Variants in DNAH5 observed in about 807,000 individuals in gnomAD.
DNAH5 encodes the protein axonemal beta dynein heavy chain 5.
DNAH5 carries 372 observed loss-of-function variants against 518.2 expected under a neutral mutation model. The observed-to-expected ratio is 0.72, with a 90% CI of 0.66 to 0.78. The LOEUF is 0.78. Ranked by LOEUF, DNAH5 falls within the 30% of genes least tolerant of loss-of-function variation. DNAH5 has a pLI of 0.00. For synonymous variants in DNAH5, 2,039 were observed against 2,025.9 expected (o/e 1.01, Z -0.17); for missense variants, 5,523 against 5,687.0 (o/e 0.97, Z 0.93).
In DNAH5 at chr5:13,751,230, A is replaced by G. The variant is rs775858203; in HGVS notation, c.11059T>C (p.Leu3687=). 4 of 1,613,836 alleles carry G rather than the reference A, an allele frequency of 2.5e-6. No homozygotes were observed. The African/African-American group carries it at 4.0e-5, about 16-fold the overall frequency. ...VKVGDKEVDV[L]DGFRLYITTK... ...GTAATGTAGAGTCTAAAGCCATCCA[A>G]CACATCTACTTCCTTGTCACCAACT... Residue 3687 remains leucine, a synonymous_variant, in exon 65 of 79, where the codon TTG becomes CTG. Transcript: ENST00000265104.
In DNAH5 at chr5:13,922,159, A is replaced by G. The variant is rs1435322116; in HGVS notation, c.608T>C (p.Leu203Pro). 1.2e-6 allele frequency: 2 copies of G among 1,613,984 alleles called. No individual in the cohort carries two copies. The highest frequency in any genetic ancestry group is 1.7e-6 in the Non-Finnish European group (2 of 1,179,996). Residue 203 changes from leucine to proline, a missense_variant, in exon 5 of 79, where the codon CTG becomes CCG. Around this residue, in one of 3 missense-constraint regions of DNAH5, gnomAD observed 5,121 missense variants for 5,223.3 expected, o/e 0.98. Coordinates refer to ENST00000265104, the MANE Select transcript of DNAH5 (RefSeq NM_001369.3). ...CGACAGGACGTTCACAAAGCCTTCCAGGGAGCTCAAGAACTCCTGGCGAAT... is the reference window on the plus strand; with the variant it reads ...CGACAGGACGTTCACAAAGCCTTCCGGGGAGCTCAAGAACTCCTGGCGAAT... ...ANIRQEFLSS[L>P]EGFVNVLSGA...
rs1740641760 is a variant in DNAH5, at chr5:13,690,985, T to G, written c.*999A>C. The G allele has an allele frequency of 6.6e-6, 1 of 152,226 alleles. No individual in the cohort carries two copies. The highest frequency in any genetic ancestry group is 1.5e-5 in the Non-Finnish European group (1 of 68,040). 9.4% of individuals were successfully genotyped at this position (152,226 alleles called of 1,614,324 possible). Reference sequence around the variant, plus strand: ...ATTTGCTGTTATAATCACAGTGTGCTCAATATTTTGTAAACTAAATCTTTC... The same window carrying G: ...ATTTGCTGTTATAATCACAGTGTGCGCAATATTTTGTAAACTAAATCTTTC... On this transcript the variant is annotated 3_prime_UTR_variant, in exon 79 of 79. Coordinates refer to ENST00000265104, the MANE Select transcript of DNAH5 (RefSeq NM_001369.3).
chr5:13,714,906 G>A (rs1222226441), intron 74 of DNAH5, among the ~76,000 whole-genome samples: 1 of 152,184 alleles, frequency 6.6e-6, no homozygotes, highest in Non-Finnish European at 1.5e-5. Flanking sequence ...GAGATAGAAA[G>A]GGAGCTGTGG....
At chr5:13,957,323 C>T (rs1030229079) in intron 1 of DNAH5, among the ~76,000 whole-genome samples, 6 of 152,138 alleles carry the variant, frequency 3.9e-5, no homozygotes, top group African/African-American at 9.7e-5. Context: ...TAAGGAAATA[C>T]AAAACAGACC....
At chr5:13,901,164 A>G in intron 14 of DNAH5, 88 bp downstream of exon 14, 1 of 1,427,848 alleles carries the variant, frequency 7.0e-7, no homozygotes, top group Non-Finnish European at 9.7e-7. Context: ...CTACAAATCC[A>G]GCTTTCTAAA....
intron 21 of DNAH5, among the ~76,000 whole-genome samples, chr5:13,880,917 C>A (rs1314598297): frequency 6.6e-6 from 1 of 151,766 alleles, no homozygotes; most frequent in African/African-American, 2.4e-5. Context: ...AAAAAAGACC[C>A]AACTGCATGC....
intron 70 of DNAH5, among the ~76,000 whole-genome samples, chr5:13,726,813 T>C (rs1745802721): frequency 6.6e-6 from 1 of 152,212 alleles, no homozygotes; most frequent in African/African-American, 2.4e-5. Flanking sequence ...CCAAGGCTAT[T>C]GCTACTCCAC....
chr5:13,864,986 G>A (rs1385400197), intron 27 of DNAH5, among the ~76,000 whole-genome samples: 1 of 148,184 alleles, frequency 6.7e-6, no homozygotes, highest in African/African-American at 2.5e-5. Flanking sequence ...GCTGTGAAGT[G>A]AAATATGCAA....
At chr5:13,758,715 A>C (rs1026224059) in intron 61 of DNAH5, 131 bp downstream of exon 61, 1 of 1,315,568 alleles carries the variant, frequency 7.6e-7, no homozygotes, top group African/African-American at 1.4e-5. Context: ...CTCATCAAAG[A>C]CCCTTGGTGT....
At chr5:13,989,838 AT>A (rs929700298) in intron 1 of DNAH5, among the ~76,000 whole-genome samples, 1 of 152,072 alleles carries the variant, frequency 6.6e-6, no homozygotes, top group African/African-American at 2.4e-5. Context: ...AGGTTTCCAG[AT>A]TTTTTTAATG....
At chr5:13,764,853 G>C (rs1752296530) in intron 59 of DNAH5, among the ~76,000 whole-genome samples, 1 of 152,148 alleles carries the variant, frequency 6.6e-6, no homozygotes, top group Non-Finnish European at 1.5e-5. Flanking sequence ...CACTGGTGCT[G>C]GTTCAAACAG....
chr5:13,911,519 T>C, intron 11 of DNAH5, 26 bp from the exon 12 acceptor site: 16 of 1,544,142 alleles, frequency 1.0e-5, no homozygotes, highest in Non-Finnish European at 1.4e-5. Context: ...ATAAATTAGA[T>C]AATATTTCAA....
At chr5:13,734,533 C>T (rs943874767) in intron 68 of DNAH5, among the ~76,000 whole-genome samples, 5 of 152,220 alleles carry the variant, frequency 3.3e-5, no homozygotes, top group African/African-American at 4.8e-5. Context: ...GGTCTTCATC[C>T]GCTTCACTCA....
intron 38 of DNAH5, among the ~76,000 whole-genome samples, chr5:13,825,331 G>GA (rs530794661): frequency 1.4e-4 from 19 of 140,018 alleles, no homozygotes; most frequent in African/African-American, 4.9e-4. Flanking sequence ...AACAGAGCAA[G>GA]ACTCTGTCTT....
At chr5:13,850,536 T>C (rs970449467) in intron 31 of DNAH5, 116 bp downstream of exon 31, 2 of 825,164 alleles carry the variant, frequency 2.4e-6, no homozygotes, top group Middle Eastern at 3.4e-4. Flanking sequence ...GTGCAACAGC[T>C]TTATATATAA....
In DNAH5 at chr5:13,758,918, G is replaced by C. The variant is rs150773884; in HGVS notation, c.10347C>G (p.Ala3449=). 6.2e-7 allele frequency: 1 copy of C among 1,614,088 alleles called. No homozygotes were observed. The highest frequency in any genetic ancestry group is 8.5e-7 in the Non-Finnish European group (1 of 1,180,020). ...GTTCCGCCTGCTTGTCATCCAACTC[G>C]GCCTGGGCTTTCTGCAGATCCTGCA... ...LAMQDLQKAQ[A]ELDDKQAELD... is the part of the protein sequence containing the mutation. The change falls in exon 61 of 79, where the codon GCC becomes GCG. Residue 3449 remains alanine, a synonymous_variant. Coordinates refer to ENST00000265104, the MANE Select transcript of DNAH5 (RefSeq NM_001369.3).
chr5:13,911,193 T>C (rs1262881963), intron 12 of DNAH5, among the ~76,000 whole-genome samples, 193 bp downstream of exon 12: 1 of 152,260 alleles, frequency 6.6e-6, no homozygotes, highest in Admixed American at 6.5e-5. Flanking sequence ...AAGCTATATT[T>C]ATGACCCTTT....
At chr5:13,830,813 T>A (rs1401373142) in intron 35 of DNAH5, 38 bp from the exon 36 acceptor site, 1 of 1,607,278 alleles carries the variant, frequency 6.2e-7, no homozygotes, top group South Asian at 1.1e-5. Flanking sequence ...CAGCCCTCAG[T>A]CACCTGGAAA....
In DNAH5 at chr5:13,748,354, A is replaced by G. The variant is rs950135872; in HGVS notation, c.11211+2724T>C. ...TCTTTTGGCTTAGGATTGTCTTGGC[A>G]ATGTGGGCTCTTTTTTTGGTTCCAT... On this transcript the variant is annotated intron_variant, in intron 65 of 78. Transcript: ENST00000265104. Among the ~76,000 whole-genome samples, 6 of 152,038 alleles carry G rather than the reference A, an allele frequency of 3.9e-5. No individual in the cohort carries two copies. The South Asian group carries it at 8.3e-4, about 21-fold the overall frequency.
Sources: allele counts gnomAD v4.1 joint callset (sites outside exome capture counted in the v4.1 genomes callset), GRCh38; gene constraint gnomAD v4.1.1; regional missense constraint gnomAD v4.1.1; transcripts MANE v1.5; gene names NCBI Gene and HGNC (gene_info 2026-07-23, HGNC 2026-07-21).